The following USP34 variants were observed in gnomAD, a reference collection of about 807,000 sequenced individuals.
USP34 encodes the protein ubiquitin carboxyl-terminal hydrolase 34.
A neutral mutation model predicts 460.3 loss-of-function variants in USP34; 70 were observed. That is an observed-to-expected ratio of 0.15 (90% CI 0.13 to 0.19). USP34 has a LOEUF of 0.19. Ranked by LOEUF, USP34 falls within the 10% of genes least tolerant of loss-of-function variation. The probability of loss-of-function intolerance (pLI) is 1.00; values close to 1 mark genes in which losing one functional copy is unlikely to be tolerated. For missense variants in USP34, 3,985 were observed against 4,236.2 expected (o/e 0.94, Z 1.65); for synonymous variants, 1,647 against 1,405.3 (o/e 1.17, Z -3.85).
At position 61,236,337 on chromosome 2, in the gene USP34, T is replaced by C. The variant is rs1192920549; in HGVS notation, c.6830A>G (p.His2277Arg). 1.9e-6 allele frequency: 3 copies of C among 1,604,028 alleles called. No homozygotes were observed. Among genetic ancestry groups the C allele is most frequent in the East Asian group, 2.2e-5 (1 of 44,662 alleles). Residue 2277 changes from histidine to arginine, a missense_variant, in exon 54 of 80, where the codon CAT becomes CGT. Around this residue, in one of 14 missense-constraint regions of USP34, gnomAD observed 604 missense variants for 684.8 expected, o/e 0.88. Coordinates refer to ENST00000398571, the MANE Select transcript of USP34 (RefSeq NM_014709.4). ...QFLQDKNIFE[H>R]TYFGFMWQLC... ...TTACCAAACTTACCCAAAATATGTA[T>C]GTTCAAAAATGTTTTTGTCTTGAAG...
chr2:61,426,101 A>G (rs1350568375), intron 1 of USP34, among the ~76,000 whole-genome samples: 1 of 152,110 alleles, frequency 6.6e-6, no homozygotes, highest in Non-Finnish European at 1.5e-5. Context: ...GCGATATCCA[A>G]GTACTACATT....
At chr2:61,375,580 T>C (rs1195164324) in intron 8 of USP34, among the ~76,000 whole-genome samples, 1 of 151,872 alleles carries the variant, frequency 6.6e-6, no homozygotes, top group Admixed American at 6.6e-5. Context: ...CCATCCTGGC[T>C]AACACAGTGA....
chr2:61,258,827 T>G (rs1443420233), intron 44 of USP34, among the ~76,000 whole-genome samples: 1 of 152,136 alleles, frequency 6.6e-6, no homozygotes, highest in Non-Finnish European at 1.5e-5. Flanking sequence ...ATAAATCAGC[T>G]AGAAAGCTGC....
intron 27 of USP34, among the ~76,000 whole-genome samples, chr2:61,310,972 T>C (rs1011693550): frequency 6.6e-5 from 10 of 152,062 alleles, no homozygotes; most frequent in African/African-American, 1.7e-4. Context: ...TTTTTGCAAA[T>C]AGCATCTGAA....
At chr2:61,263,543 G>A (rs893694892) in intron 43 of USP34, among the ~76,000 whole-genome samples, 4 of 143,522 alleles carry the variant, frequency 2.8e-5, no homozygotes, top group South Asian at 2.2e-4. Flanking sequence ...GTGCATTGGC[G>A]CCATCTTGGC....
intron 41 of USP34, among the ~76,000 whole-genome samples, chr2:61,276,870 T>A (rs140163998): frequency 6.6e-6 from 1 of 152,222 alleles, no homozygotes; most frequent in Non-Finnish European, 1.5e-5. Flanking sequence ...TCCTTTAGTC[T>A]ATGCCTATGA....
intron 53 of USP34, among the ~76,000 whole-genome samples, chr2:61,239,351 C>T (rs887122192): frequency 7.0e-6 from 1 of 143,022 alleles, no homozygotes; most frequent in African/African-American, 2.6e-5. Context: ...CACACACACA[C>T]AGAAGTTTGA....
chr2:61,218,889 T>C (rs899552065), intron 67 of USP34, among the ~76,000 whole-genome samples: 2 of 152,204 alleles, frequency 1.3e-5, no homozygotes, highest in African/African-American at 4.8e-5. Context: ...TTAACCTTTA[T>C]CACCCGGCTG....
chr2:61,188,329 A>G lies in USP34; in HGVS notation c.10414T>C (p.Ser3472Pro), dbSNP rs1686507606. ...AAGTCAGACAGAACTGCAGAGATAG[A>G]AGTAGAAGGGAACTCAGATTCTTCC... ...AEEESEFPST[S>P]ISAVLSDLAD... Residue 3472 changes from serine to proline, a missense_variant, in exon 80 of 80, where the codon TCT becomes CCT. Physicochemically the swap from Ser to Pro is moderately conservative, Grantham distance 74 (BLOSUM62 -1). Around this residue, in one of 14 missense-constraint regions of USP34, gnomAD observed 506 missense variants for 439.0 expected, o/e 1.15. Coordinates refer to ENST00000398571, the MANE Select transcript of USP34 (RefSeq NM_014709.4). 4 of 1,613,626 alleles carry G rather than the reference A, an allele frequency of 2.5e-6. No individual in the cohort carries two copies. Among genetic ancestry groups the G allele is most frequent in the Non-Finnish European group, 2.5e-6 (3 of 1,180,006 alleles).
intron 1 of USP34, among the ~76,000 whole-genome samples, chr2:61,444,340 G>A (rs1042047304): frequency 3.3e-5 from 5 of 152,110 alleles, no homozygotes; most frequent in African/African-American, 1.2e-4. Flanking sequence ...CTTTAATACA[G>A]ATTAAACAAG....
intron 10 of USP34, among the ~76,000 whole-genome samples, chr2:61,361,011 ACAGAAC>A (rs1265749617): frequency 6.6e-6 from 1 of 152,214 alleles, no homozygotes; most frequent in Non-Finnish European, 1.5e-5. Flanking sequence ...TAAAATTCAT[ACAGAAC>A]CACAAAAGGC....
chr2:61,235,328 CTT>C (rs10537200), intron 57 of USP34, among the ~76,000 whole-genome samples: 66,149 of 123,728 alleles, frequency 0.53, 16,252 homozygotes, highest in South Asian at 0.73. Context: ...ATTTTTTTTT[CTT>C]TTTTTTTTTT....
intron 5 of USP34, among the ~76,000 whole-genome samples, chr2:61,385,000 G>C (rs1693092021): frequency 6.6e-6 from 1 of 152,026 alleles, no homozygotes; most frequent in African/African-American, 2.4e-5. Flanking sequence ...AAACTAAAGA[G>C]TTTAGCAAAA....
intron 1 of USP34, among the ~76,000 whole-genome samples, chr2:61,446,477 G>A (rs1028103518): frequency 2.0e-5 from 3 of 152,164 alleles, no homozygotes; most frequent in Non-Finnish European, 2.9e-5. Context: ...CTGAAATCAT[G>A]TAAGTACTGT....
At chr2:61,334,799 A>G (rs1691368792) in intron 18 of USP34, among the ~76,000 whole-genome samples, 1 of 152,164 alleles carries the variant, frequency 6.6e-6, no homozygotes, top group Non-Finnish European at 1.5e-5. Context: ...AGGAATGTAG[A>G]AATAAGACTC....
At chr2:61,341,578 C>T (rs992070751) in intron 16 of USP34, among the ~76,000 whole-genome samples, 6 of 151,746 alleles carry the variant, frequency 4.0e-5, no homozygotes, top group African/African-American at 1.5e-4. Context: ...CCCTCCAACC[C>T]CCCGTTTCCA....
At position 61,301,027 on chromosome 2, in the gene USP34, G is replaced by T; in HGVS notation, c.4052C>A (p.Thr1351Asn). ...MLLLLQEPHL[T>N]TLFDLLEMLA... is the part of the protein sequence containing the mutation. ...CATCTCTAATAAATCAAAAAGAGTAGTTAAATGAGGCTCTTGTAAAAGCAA... is the reference window on the plus strand; with the variant it reads ...CATCTCTAATAAATCAAAAAGAGTATTTAAATGAGGCTCTTGTAAAAGCAA... The change falls in exon 29 of 80, where the codon ACT becomes AAT. Residue 1351 changes from threonine to asparagine, a missense_variant. This residue lies in a region of USP34 where 1,114 missense variants were observed against 1,122.5 expected (regional missense o/e 0.99). Transcript: ENST00000398571. 1 of 1,613,998 alleles carries T rather than the reference G, an allele frequency of 6.2e-7. No homozygotes were observed. Among genetic ancestry groups the T allele is most frequent in the Non-Finnish European group, 8.5e-7 (1 of 1,179,970 alleles).
In USP34 at chr2:61,290,735, C is replaced by CA. The variant is rs1349217876; in HGVS notation, c.4549-1859dup. 2.0e-5 allele frequency among the ~76,000 whole-genome samples: 3 copies of CA among 152,098 alleles called. No homozygotes were observed. In the East Asian group the frequency reaches 5.8e-4, roughly 29 times the overall value. On this transcript the variant is annotated intron_variant, in intron 33 of 79. Coordinates refer to ENST00000398571, the MANE Select transcript of USP34 (RefSeq NM_014709.4). ...CGTTACATAAACATTTTTCAAAACTCACTCTTTAAAATGAGTGCATTATTT... is the reference window on the plus strand; with the variant it reads ...CGTTACATAAACATTTTTCAAAACTCAACTCTTTAAAATGAGTGCATTATTT...
At chr2:61,462,711 A>T (rs958844754) in intron 1 of USP34, among the ~76,000 whole-genome samples, 2 of 151,794 alleles carry the variant, frequency 1.3e-5, no homozygotes, top group South Asian at 2.1e-4. Context: ...ATATACAAAA[A>T]TTAGCCCGGC....
Sources: gnomAD v4.1 joint callset for allele counts (sites outside exome capture counted in the v4.1 genomes callset) on GRCh38, gnomAD v4.1.1 for gene constraint, gnomAD v4.1.1 regional missense constraint, MANE v1.5 for transcripts, NCBI Gene and HGNC (gene_info 2026-07-23, HGNC 2026-07-21) for gene names.